The following GRAMD1B variants were observed in gnomAD, a reference collection of about 807,000 sequenced individuals.
The protein encoded by GRAMD1B is GRAM domain containing 1B.
Under a neutral mutation model 99.7 loss-of-function variants are expected in GRAMD1B, and 37 were observed. The ratio of observed to expected loss-of-function variants is 0.37; its 90% CI spans 0.29 to 0.49. The LOEUF (loss-of-function observed/expected upper bound fraction) is 0.49. GRAMD1B is among the 20% of genes least tolerant of loss of function. The pLI, the probability that GRAMD1B is intolerant of heterozygous loss-of-function variation, is 0.98. For synonymous variants in GRAMD1B, 427 were observed against 387.6 expected (o/e 1.10, Z -1.19); for missense variants, 888 against 1,009.2 (o/e 0.88, Z 1.63).
chr11:123,466,512 T>G (rs557401480), intron 1 of GRAMD1B, among the ~76,000 whole-genome samples: 10 of 152,118 alleles, frequency 6.6e-5, no homozygotes, highest in Admixed American at 3.3e-4. Context: ...AAAGATTGAC[T>G]GACTGATTTG....
chr11:123,544,908 G>A (rs1302641849), intron 2 of GRAMD1B, among the ~76,000 whole-genome samples: 2 of 152,262 alleles, frequency 1.3e-5, no homozygotes, highest in East Asian at 3.8e-4. Flanking sequence ...GATGCCAGGG[G>A]TTTGAAGAGG....
chr11:123,500,998 T>C (rs975177087), intron 2 of GRAMD1B, among the ~76,000 whole-genome samples: 2 of 152,064 alleles, frequency 1.3e-5, no homozygotes, highest in Admixed American at 6.6e-5. Flanking sequence ...GAGGGCATAT[T>C]GCGTGCTTAA....
At chr11:123,598,939 C>T (rs367698176) in intron 7 of GRAMD1B, 2 of 1,097,692 alleles carry the variant, frequency 1.8e-6, no homozygotes, top group Non-Finnish European at 2.8e-6. Flanking sequence ...TTAGGAATGT[C>T]AAATAATTGG....
At chr11:123,387,843 G>T (rs966073776) in intron 1 of GRAMD1B, among the ~76,000 whole-genome samples, 1 of 152,080 alleles carries the variant, frequency 6.6e-6, no homozygotes, top group African/African-American at 2.4e-5. Context: ...GCTATGGTTG[G>T]CCGGGTGTGG....
At chr11:123,554,424 C>G (rs374851437) in intron 2 of GRAMD1B, among the ~76,000 whole-genome samples, 2 of 148,398 alleles carry the variant, frequency 1.3e-5, no homozygotes, top group African/African-American at 5.0e-5. Flanking sequence ...TGCAGTGGCT[C>G]ATGCATATAA....
In GRAMD1B at chr11:123,614,432, T is replaced by G. The variant is rs554006486; in HGVS notation, c.2228-313T>G. On this transcript the variant is annotated intron_variant, in intron 16 of 19. Coordinates refer to ENST00000635736, the MANE Select transcript of GRAMD1B (RefSeq NM_001387025.1). ...ATCCAGACCCAGAAGCCAGCCGTCT[T>G]TAGTCCTAGCCCAATGCCACATCCT... Among the ~76,000 whole-genome samples, 9 of 152,350 alleles carry G rather than the reference T, an allele frequency of 5.9e-5. No individual in the cohort carries two copies. In the South Asian group the frequency reaches 1.2e-3, roughly 21 times the overall value.
rs1326941009 is a variant in GRAMD1B, at chr11:123,614,850, G to A, written c.2318+15G>A. The A allele has an allele frequency of 6.5e-7, 1 of 1,544,594 alleles. No homozygotes were observed. On this transcript the variant is annotated intron_variant, in intron 17 of 19. Coordinates refer to ENST00000635736, the MANE Select transcript of GRAMD1B (RefSeq NM_001387025.1). ...ATCAGCTGTGTGTAAGGGATTCTAG[G>A]TTTTCCTATCCTGCCCTCACCACCT...
intron 1 of GRAMD1B, among the ~76,000 whole-genome samples, chr11:123,438,930 T>G (rs1949284285): frequency 6.6e-6 from 1 of 152,216 alleles, no homozygotes; most frequent in Admixed American, 6.5e-5. Flanking sequence ...TGTTTAGACC[T>G]GGGGCCAAGG....
intron 1 of GRAMD1B, among the ~76,000 whole-genome samples, chr11:123,423,351 CCTCTT>C (rs984023516): frequency 6.6e-6 from 1 of 151,934 alleles, no homozygotes; most frequent in Non-Finnish European, 1.5e-5. Flanking sequence ...CCTCCTCTCT[CCTCTT>C]CTCTTCTCTC....
Position 123,591,239 on chromosome 11 carries a change from C to T in GRAMD1B, c.685-2843C>T. On this transcript the variant is annotated intron_variant, in intron 4 of 19. Coordinates refer to ENST00000635736, the MANE Select transcript of GRAMD1B (RefSeq NM_001387025.1). This position sits in a 1 kb window ranked among gnomAD's most constrained non-coding sequence, Gnocchi z 4.7. ...CATGCAGCTCTAGGAGCAGAAAGGA[C>T]ACCTGTCAGAGTCACACAGGCCCTC... The T allele has an allele frequency of 5.1e-6, 2 of 394,938 alleles. No homozygotes were observed. Among genetic ancestry groups the T allele is most frequent in the East Asian group, 7.2e-5 (2 of 27,884 alleles). 24.5% of individuals were successfully genotyped at this position (394,938 alleles called of 1,614,324 possible).
At chr11:123,452,952 G>T (rs962023822) in intron 1 of GRAMD1B, among the ~76,000 whole-genome samples, 12 of 152,176 alleles carry the variant, frequency 7.9e-5, no homozygotes, top group Non-Finnish European at 1.3e-4. Context: ...CTGAAGTAAA[G>T]AATTCAATAT....
intron 1 of GRAMD1B, among the ~76,000 whole-genome samples, chr11:123,461,848 C>A (rs566519768): frequency 3.9e-5 from 6 of 152,096 alleles, no homozygotes; most frequent in African/African-American, 1.2e-4. Flanking sequence ...TCATGCGATA[C>A]CCCCGCCTCA....
intron 5 of GRAMD1B, 93 bp from the exon 6 acceptor site, chr11:123,594,642 A>G: frequency 1.4e-6 from 1 of 728,658 alleles, no homozygotes; most frequent in South Asian, 1.5e-5. Context: ...GGGCTCCCCC[A>G]GTGCTGGTGG....
chr11:123,559,181 C>G (rs886960185), intron 2 of GRAMD1B, among the ~76,000 whole-genome samples: 1 of 152,206 alleles, frequency 6.6e-6, no homozygotes, highest in African/African-American at 2.4e-5. Context: ...TAGACCTGCT[C>G]TATCAGAATC....
chr11:123,498,007 G>A (rs1939489531), intron 2 of GRAMD1B, among the ~76,000 whole-genome samples: 1 of 151,690 alleles, frequency 6.6e-6, no homozygotes, highest in Middle Eastern at 3.2e-3. Flanking sequence ...GCCTCTCCCT[G>A]TGGCCACCAC....
intron 17 of GRAMD1B, among the ~76,000 whole-genome samples, chr11:123,617,053 C>T (rs1307780562): frequency 6.6e-6 from 1 of 152,198 alleles, no homozygotes; most frequent in Non-Finnish European, 1.5e-5. Context: ...GCACGGATGA[C>T]ACACACGGTA....
chr11:123,495,971 T>A (rs1263433138), intron 2 of GRAMD1B, among the ~76,000 whole-genome samples: 2 of 152,202 alleles, frequency 1.3e-5, no homozygotes, highest in South Asian at 2.1e-4. Flanking sequence ...TTAGTCTTTC[T>A]ATGGAAGATA....
At chr11:123,476,055 A>G (rs753840787) in intron 1 of GRAMD1B, among the ~76,000 whole-genome samples, 26 of 151,552 alleles carry the variant, frequency 1.7e-4, no homozygotes, top group Non-Finnish European at 3.2e-4. Context: ...CAACAATATT[A>G]TTTCATGGGA....
intron 15 of GRAMD1B, 164 bp from the exon 16 acceptor site, chr11:123,613,291 T>C: frequency 1.6e-6 from 1 of 606,802 alleles, no homozygotes; most frequent in South Asian, 2.1e-5. Context: ...AGGGTTTGAC[T>C]GGGGCTGGGT....
Sources: gnomAD v4.1 joint callset for allele counts (sites outside exome capture counted in the v4.1 genomes callset) on GRCh38, gnomAD v4.1.1 for gene constraint, Gnocchi (gnomAD v3.1) non-coding constraint, MANE v1.5 for transcripts, NCBI Gene and HGNC (gene_info 2026-07-23, HGNC 2026-07-21) for gene names.